Variants in SPACDR observed in about 807,000 individuals in gnomAD.
SPACDR encodes the protein sperm acrosome developmental regulator, also known as uncharacterized protein C7orf61.
chr7:100,457,799 ATATATGTGTG>A, the SPACDR span, among the ~76,000 whole-genome samples: 37 of 45,808 alleles, frequency 8.1e-4, 1 homozygote, highest in African/African-American at 2.9e-3. Flanking sequence ...TTTTATATAT[ATATATGTGTG>A]TGTGTGTGTG....
the SPACDR span, among the ~76,000 whole-genome samples, chr7:100,457,862 T>A: frequency 1.8e-3 from 201 of 109,770 alleles, 1 homozygote; most frequent in Middle Eastern, 0.01. Context: ...TATATATTTT[T>A]TTTTTTTTTT....
the SPACDR span, chr7:100,463,653 T>C: frequency 2.5e-6 from 4 of 1,613,878 alleles, no homozygotes; most frequent in Admixed American, 1.7e-5. Context: ...TGTCCTGAGA[T>C]GGTTGGTTTA....
the SPACDR span, among the ~76,000 whole-genome samples, chr7:100,462,339 G>C: frequency 1.4e-5 from 2 of 146,850 alleles, no homozygotes; most frequent in African/African-American, 5.1e-5. Context: ...TCAGCCTCCT[G>C]AGTAGCTGGG....
At chr7:100,457,841 G>GTGTGTGTGTGTGTGTATATA in the SPACDR span, among the ~76,000 whole-genome samples, 5 of 85,080 alleles carry the variant, frequency 5.9e-5, no homozygotes, top group East Asian at 2.0e-3. Flanking sequence ...GTGTGTGTGT[G>GTGTGTGTGTGTGTGTATATA]TATATATATA....
At chr7:100,457,075 G>A in the SPACDR span, 1 of 841,050 alleles carries the variant, frequency 1.2e-6, no homozygotes, top group South Asian at 1.8e-5. Flanking sequence ...ACAGCAAAGG[G>A]CTCCCTGATT....
chr7:100,463,812 C>G, the SPACDR span: 1 of 1,241,108 alleles, frequency 8.1e-7, no homozygotes, highest in Non-Finnish European at 1.2e-6. Context: ...CCTTCTCCTC[C>G]AGCCCCTCCC....
chr7:100,457,360 C>T, the SPACDR span, among the ~76,000 whole-genome samples: 2 of 151,736 alleles, frequency 1.3e-5, no homozygotes, highest in African/African-American at 4.8e-5. Context: ...GCTCTATCAC[C>T]CAGGCTGGAG....
At chr7:100,461,907 G>A in the SPACDR span, among the ~76,000 whole-genome samples, 8 of 150,690 alleles carry the variant, frequency 5.3e-5, no homozygotes, top group South Asian at 2.1e-4. Flanking sequence ...GCAGGAGAAC[G>A]GTGTGAACCC....
the SPACDR span, chr7:100,463,622 GA>G: frequency 6.2e-7 from 1 of 1,613,930 alleles, no homozygotes; most frequent in Non-Finnish European, 8.5e-7. Flanking sequence ...CTTCTTCAAT[GA>G]GTGTTTCTTG....
the SPACDR span, among the ~76,000 whole-genome samples, chr7:100,460,283 A>G: frequency 1.8e-4 from 27 of 148,648 alleles, no homozygotes; most frequent in Non-Finnish European, 2.2e-4. Flanking sequence ...CTGCGTGGTT[A>G]GTTTTATAAG....
the SPACDR span, chr7:100,464,137 T>G: frequency 1.3e-6 from 2 of 1,539,228 alleles, no homozygotes; most frequent in African/African-American, 1.4e-5. Flanking sequence ...TCTTGAGGGG[T>G]CTCCTGTGAG....
chr7:100,456,831 C>A, the SPACDR span: 2 of 1,613,076 alleles, frequency 1.2e-6, no homozygotes, highest in African/African-American at 2.7e-5. Context: ...GACGTGGTGC[C>A]GTCTGTGCCT....
the SPACDR span, among the ~76,000 whole-genome samples, chr7:100,462,094 G>A: frequency 1.6e-4 from 24 of 152,070 alleles, no homozygotes; most frequent in Non-Finnish European, 3.1e-4. Flanking sequence ...AACAATGTGT[G>A]GATACTGAAC....
chr7:100,461,125 C>A, the SPACDR span, among the ~76,000 whole-genome samples: 1 of 152,086 alleles, frequency 6.6e-6, no homozygotes, highest in Non-Finnish European at 1.5e-5. Context: ...ACTGTATTGC[C>A]CAGGCTGGAG....
At chr7:100,460,842 G>T in the SPACDR span, among the ~76,000 whole-genome samples, 1,658 of 152,100 alleles carry the variant, frequency 0.011, 43 homozygotes, top group African/African-American at 0.038. Flanking sequence ...GTCTCCCTGT[G>T]TTGCCCAGGC....
chr7:100,463,622 G>A, the SPACDR span: 1 of 1,613,930 alleles, frequency 6.2e-7, no homozygotes. Context: ...CTTCTTCAAT[G>A]AGTGTTTCTT....
At chr7:100,463,720 G>T in the SPACDR span, 1 of 1,568,140 alleles carries the variant, frequency 6.4e-7, no homozygotes, top group Non-Finnish European at 8.8e-7. Flanking sequence ...AGAGACAGGA[G>T]AGAGGGGCAG....
chr7:100,458,195 GGTGTGT>G, the SPACDR span, among the ~76,000 whole-genome samples: 11,853 of 136,972 alleles, frequency 0.087, 491 homozygotes, highest in East Asian at 0.13. Flanking sequence ...TGTACTCACT[GGTGTGT>G]GTGTGTGTGT....
At chr7:100,457,801 A>ATGTGTGTGTG in the SPACDR span, among the ~76,000 whole-genome samples, 4,205 of 73,546 alleles carry the variant, frequency 0.057, 150 homozygotes, top group South Asian at 0.086. Context: ...TTATATATAT[A>ATGTGTGTGTG]TATGTGTGTG....
Sources: gnomAD v4.1 joint callset for allele counts (sites outside exome capture counted in the v4.1 genomes callset) on GRCh38, gnomAD v4.1.1 for gene constraint, MANE v1.5 for transcripts, NCBI Gene and HGNC (gene_info 2026-07-23, HGNC 2026-07-21) for gene names.